The following CHMP4B variants were observed in gnomAD, a reference collection of about 807,000 sequenced individuals.
The protein encoded by CHMP4B is SNF7 homolog associated with Alix 1.
CHMP4B carries 1 observed loss-of-function variant against 25.1 expected under a neutral mutation model. The observed-to-expected ratio is 0.04, with a 90% confidence interval of 0.01 to 0.19. The LOEUF (loss-of-function observed/expected upper bound fraction) is 0.19, where lower values mean the gene tolerates loss of function less well. Among genes scored for constraint, CHMP4B ranks in the 10% least tolerant of loss-of-function variants. The pLI, the probability that CHMP4B is intolerant of heterozygous loss-of-function variation, is 1.00. For missense variants in CHMP4B, 151 were observed against 289.7 expected (o/e 0.52, Z 3.48); for synonymous variants, 101 against 115.6 (o/e 0.87, Z 0.81).
chr20:33,850,798 A>G (rs1266999300), intron 2 of CHMP4B, among the ~76,000 whole-genome samples, 154 bp from the exon 3 acceptor site: 4 of 152,270 alleles, frequency 2.6e-5, no homozygotes, highest in Non-Finnish European at 5.9e-5. Context: ...GGGAGGAGGC[A>G]ATAATGCCAA....
At chr20:33,829,464 T>C (rs1798227267) in intron 1 of CHMP4B, among the ~76,000 whole-genome samples, 1 of 152,306 alleles carries the variant, frequency 6.6e-6, no homozygotes, top group South Asian at 2.1e-4. Flanking sequence ...GCCCCTAGGC[T>C]CTAAGGAACT....
chr20:33,831,852 A>G (rs1342924822), intron 1 of CHMP4B, among the ~76,000 whole-genome samples: 2 of 152,000 alleles, frequency 1.3e-5, no homozygotes, highest in Non-Finnish European at 2.9e-5. Context: ...TAAGGTATAC[A>G]TAACATTACA....
intron 1 of CHMP4B, among the ~76,000 whole-genome samples, chr20:33,819,111 C>A (rs1978864112): frequency 6.6e-6 from 1 of 152,120 alleles, no homozygotes; most frequent in Non-Finnish European, 1.5e-5. Context: ...GAGGTTTCAC[C>A]ATGTTAGCCA....
At chr20:33,839,622 C>T (rs1979480367) in intron 1 of CHMP4B, among the ~76,000 whole-genome samples, 1 of 152,202 alleles carries the variant, frequency 6.6e-6, no homozygotes, top group South Asian at 2.1e-4. Flanking sequence ...AACAGGCAGC[C>T]CGCTGAATGC....
chr20:33,831,071 G>GGTGGGGCTGAGGCAGCC lies in CHMP4B; in HGVS notation c.191-17396_191-17395insGTGGGGCTGAGGCAGCC, dbSNP rs1172125202. Among the ~76,000 whole-genome samples the GGTGGGGCTGAGGCAGCC allele has an allele frequency of 1.9e-4, 28 of 150,870 alleles. 1 individual carries two copies. In the South Asian group the frequency reaches 5.9e-3, roughly 32 times the overall value. On this transcript the variant is annotated intron_variant, in intron 1 of 4. Coordinates refer to ENST00000217402, the MANE Select transcript of CHMP4B (RefSeq NM_176812.5). Reference sequence around the variant, plus strand: ...TCCTCCCACCTCAGCCTCCCAGGTAGCTGAGACTGCCTATGCTCAGCTAAT... The same window carrying GGTGGGGCTGAGGCAGCC: ...TCCTCCCACCTCAGCCTCCCAGGTAGGTGGGGCTGAGGCAGCCCTGAGACTGCCTATGCTCAGCTAAT...
intron 4 of CHMP4B, among the ~76,000 whole-genome samples, 179 bp downstream of exon 4, chr20:33,852,382 A>G (rs1979879671): frequency 6.8e-6 from 1 of 146,840 alleles, no homozygotes; most frequent in Non-Finnish European, 1.5e-5. Flanking sequence ...CACAGAGGCC[A>G]TGTCACCTGG....
intron 1 of CHMP4B, among the ~76,000 whole-genome samples, chr20:33,823,155 A>G (rs1045341475): frequency 2.6e-5 from 4 of 152,170 alleles, no homozygotes; most frequent in African/African-American, 4.8e-5. Flanking sequence ...TTTTTCAAAA[A>G]AAGTATCCCC....
Position 33,827,524 on chromosome 20 carries a change from T to C in CHMP4B, c.190+15866T>C, listed in dbSNP as rs566367411. The stretch of plus-strand genomic sequence containing the variant: ...AGAAGGTACTGGACATTTTTCTGTT[T>C]TGATTCCTTGGATCAGAGGCCAGAA... On this transcript the variant is annotated intron_variant, in intron 1 of 4. Transcript: ENST00000217402. Among the ~76,000 whole-genome samples, 9 of 152,380 alleles carry C rather than the reference T, an allele frequency of 5.9e-5. No individual in the cohort carries two copies. In the East Asian group the frequency reaches 1.5e-3, roughly 26 times the overall value.
At chr20:33,831,928 G>C (rs980438146) in intron 1 of CHMP4B, among the ~76,000 whole-genome samples, 3 of 152,084 alleles carry the variant, frequency 2.0e-5, no homozygotes, top group African/African-American at 7.2e-5. Context: ...ACCTTTTCCC[G>C]AAAGAGAATC....
chr20:33,841,423 A>G (rs1018563384), intron 1 of CHMP4B, among the ~76,000 whole-genome samples: 11 of 152,208 alleles, frequency 7.2e-5, no homozygotes, highest in Admixed American at 4.6e-4. Flanking sequence ...AAATACAGCA[A>G]TGTCAGGGAC....
chr20:33,835,709 G>T (rs1284702702), intron 1 of CHMP4B, among the ~76,000 whole-genome samples: 2 of 152,190 alleles, frequency 1.3e-5, no homozygotes, highest in African/African-American at 4.8e-5. Flanking sequence ...AGAGGCTGGG[G>T]TATGTATAAA....
chr20:33,827,349 C>T (rs1453847193), intron 1 of CHMP4B, among the ~76,000 whole-genome samples: 1 of 152,248 alleles, frequency 6.6e-6, no homozygotes, highest in Admixed American at 6.5e-5. Flanking sequence ...TGCCACATTA[C>T]AGTAACCTTA....
intron 3 of CHMP4B, among the ~76,000 whole-genome samples, chr20:33,851,456 C>A (rs1355399150): frequency 6.6e-6 from 1 of 152,098 alleles, no homozygotes; most frequent in African/African-American, 2.4e-5. Flanking sequence ...GGGCACTTAC[C>A]CCTGACCCGG....
intron 2 of CHMP4B, among the ~76,000 whole-genome samples, chr20:33,849,992 G>A: frequency 6.6e-6 from 1 of 152,136 alleles, no homozygotes. Context: ...GCCCAGACTG[G>A]TCTCAAACTC....
intron 1 of CHMP4B, among the ~76,000 whole-genome samples, chr20:33,823,356 G>A (rs900598593): frequency 2.0e-5 from 3 of 151,970 alleles, no homozygotes; most frequent in African/African-American, 7.3e-5. Context: ...GAGGTGGGCT[G>A]TATCACAGTA....
At chr20:33,834,318 A>AT (rs201091368) in intron 1 of CHMP4B, among the ~76,000 whole-genome samples, 91 of 148,356 alleles carry the variant, frequency 6.1e-4, no homozygotes, top group Non-Finnish European at 9.0e-4. Flanking sequence ...TTGTATTTGT[A>AT]TTTTTTTTTG....
intron 1 of CHMP4B, among the ~76,000 whole-genome samples, chr20:33,840,250 A>C (rs1393884534): frequency 6.6e-6 from 1 of 151,846 alleles, no homozygotes; most frequent in Non-Finnish European, 1.5e-5. Flanking sequence ...CATCTCAAAA[A>C]AAAAAAAGGG....
chr20:33,847,076 A>G lies in CHMP4B; in HGVS notation c.191-1391A>G, dbSNP rs114520871. Among the ~76,000 whole-genome samples the G allele has an allele frequency of 7.7e-3, 1,173 of 152,082 alleles. 14 individuals are homozygous for G. Among genetic ancestry groups the G allele is most frequent in the African/African-American group, 0.027 (1,119 of 41,460 alleles). On this transcript the variant is annotated intron_variant, in intron 1 of 4. Coordinates refer to ENST00000217402, the MANE Select transcript of CHMP4B (RefSeq NM_176812.5). ...AGAGTCAGATGCTTGAAGCTTATATAGCATCCTGAGCTATAGAAAAGAATA... is the reference window on the plus strand; with the variant it reads ...AGAGTCAGATGCTTGAAGCTTATATGGCATCCTGAGCTATAGAAAAGAATA...
At chr20:33,830,187 A>G (rs186346228) in intron 1 of CHMP4B, among the ~76,000 whole-genome samples, 1 of 152,184 alleles carries the variant, frequency 6.6e-6, no homozygotes, top group Non-Finnish European at 1.5e-5. Flanking sequence ...AAGGAGTGGC[A>G]GAAGCATTTG....
Sources: allele counts gnomAD v4.1 joint callset (sites outside exome capture counted in the v4.1 genomes callset), GRCh38; gene constraint gnomAD v4.1.1; transcripts MANE v1.5; gene names NCBI Gene and HGNC (gene_info 2026-07-23, HGNC 2026-07-21).